The following EPHA6 variants were observed in gnomAD, a reference collection of about 807,000 sequenced individuals.
EPHA6 encodes the protein EPH receptor A6, also known as ephrin type-A receptor 6.
EPHA6 carries 50 observed loss-of-function variants against 112.0 expected under a neutral mutation model. The ratio of observed to expected loss-of-function variants is 0.45; its 90% CI spans 0.36 to 0.56. The LOEUF is 0.56. EPHA6 is among the 20% of genes least tolerant of loss of function. The pLI is 0.00. For synonymous variants in EPHA6, 529 were observed against 490.7 expected (o/e 1.08, Z -1.03); for missense variants, 1,280 against 1,417.4 (o/e 0.90, Z 1.56).
chr3:97,208,517 G>T (rs932407006), intron 3 of EPHA6, among the ~76,000 whole-genome samples: 1 of 152,120 alleles, frequency 6.6e-6, no homozygotes. Context: ...AGGCCATGGT[G>T]GGTGGATTGC....
intron 2 of EPHA6, among the ~76,000 whole-genome samples, chr3:96,904,226 G>A (rs2038789179): frequency 6.6e-6 from 1 of 151,984 alleles, no homozygotes; most frequent in African/African-American, 2.4e-5. Context: ...AACAATGATA[G>A]ACTGGATTAA....
At chr3:97,310,135 C>T (rs1042524320) in intron 5 of EPHA6, among the ~76,000 whole-genome samples, 3 of 151,424 alleles carry the variant, frequency 2.0e-5, no homozygotes, top group Admixed American at 2.0e-4. Context: ...CCCTCACTCC[C>T]ACCCCCACAA....
intron 1 of EPHA6, among the ~76,000 whole-genome samples, chr3:96,846,820 A>T (rs185644277): frequency 1.0e-3 from 153 of 152,182 alleles, no homozygotes; most frequent in African/African-American, 3.4e-3. Context: ...CTTGAGAGAG[A>T]TTTATTGTTC....
At chr3:97,558,734 G>A (rs553112772) in intron 11 of EPHA6, among the ~76,000 whole-genome samples, 1 of 151,940 alleles carries the variant, frequency 6.6e-6, no homozygotes, top group Non-Finnish European at 1.5e-5. Context: ...AATATATATG[G>A]ACAATCTGCA....
intron 7 of EPHA6, among the ~76,000 whole-genome samples, chr3:97,467,193 G>T (rs2091084463): frequency 6.6e-6 from 1 of 151,770 alleles, no homozygotes; most frequent in African/African-American, 2.4e-5. Context: ...TTAGCAAATG[G>T]TATTTTTGTT....
Position 97,480,385 on chromosome 3 carries a change from C to T in EPHA6, c.2074+1021C>T, listed in dbSNP as rs1287812324. ...CTAGGCAGAGGACCCTGCGGCCTTC[C>T]GCAGTGTTTGTGTCCCTGGGTACTT... On this transcript the variant is annotated intron_variant, in intron 9 of 17. Transcript: ENST00000389672. Among the ~76,000 whole-genome samples, 7 of 151,952 alleles carry T rather than the reference C, an allele frequency of 4.6e-5. No individual in the cohort carries two copies. The South Asian group carries it at 1.0e-3, about 23-fold the overall frequency.
At chr3:97,136,699 C>T (rs2075778409) in intron 3 of EPHA6, among the ~76,000 whole-genome samples, 2 of 152,050 alleles carry the variant, frequency 1.3e-5, no homozygotes, top group East Asian at 3.9e-4. Context: ...CGACAGAAAA[C>T]TTCATAAAGT....
intron 13 of EPHA6, among the ~76,000 whole-genome samples, chr3:97,632,238 A>G (rs771992618): frequency 6.6e-6 from 1 of 152,070 alleles, no homozygotes; most frequent in Non-Finnish European, 1.5e-5. Flanking sequence ...CTCCTCTAAG[A>G]GAAAAATAAA....
intron 7 of EPHA6, among the ~76,000 whole-genome samples, chr3:97,456,101 G>T (rs1338762411): frequency 6.6e-6 from 1 of 152,076 alleles, no homozygotes; most frequent in Non-Finnish European, 1.5e-5. Flanking sequence ...AGTAACAACA[G>T]TAGATCTATT....
chr3:97,505,119 C>T (rs1438719240), intron 10 of EPHA6, among the ~76,000 whole-genome samples: 13 of 152,014 alleles, frequency 8.6e-5, no homozygotes, highest in Non-Finnish European at 1.5e-4. Context: ...GTGGCAAGGG[C>T]GTAGACTTGC....
chr3:97,634,041 A>G (rs1461462417), intron 13 of EPHA6, among the ~76,000 whole-genome samples: 2 of 152,108 alleles, frequency 1.3e-5, no homozygotes, highest in Non-Finnish European at 2.9e-5. Context: ...AACCTAGCCC[A>G]GAATTAGGTA....
intron 16 of EPHA6, among the ~76,000 whole-genome samples, chr3:97,739,420 C>G (rs2035408277): frequency 1.3e-4 from 1 of 7,442 alleles, no homozygotes; most frequent in Admixed American, 1.6e-3. Flanking sequence ...TTTCTCTTGA[C>G]AGAGTAGTAA....
At chr3:97,528,692 A>G (rs1432871031) in intron 10 of EPHA6, among the ~76,000 whole-genome samples, 1 of 152,102 alleles carries the variant, frequency 6.6e-6, no homozygotes, top group Non-Finnish European at 1.5e-5. Context: ...TCCAAGACAG[A>G]TTGTCTCTTA....
intron 5 of EPHA6, among the ~76,000 whole-genome samples, chr3:97,404,499 ATAGTT>A (rs1401206847): frequency 6.6e-5 from 10 of 152,194 alleles, no homozygotes; most frequent in African/African-American, 1.9e-4. Flanking sequence ...TGAGAGATAT[ATAGTT>A]TAGTTATATG....
chr3:97,681,029 A>C (rs1388768011), intron 14 of EPHA6, among the ~76,000 whole-genome samples: 1 of 152,154 alleles, frequency 6.6e-6, no homozygotes, highest in Admixed American at 6.6e-5. Flanking sequence ...ATAAGACATT[A>C]GATTTTTGGA....
chr3:97,404,561 G>C (rs1026244556), intron 5 of EPHA6, among the ~76,000 whole-genome samples: 2 of 152,010 alleles, frequency 1.3e-5, no homozygotes, highest in Non-Finnish European at 2.9e-5. Context: ...ATAATATATG[G>C]AAAAGTAAAA....
At chr3:97,684,929 T>A (rs2032136300) in intron 14 of EPHA6, among the ~76,000 whole-genome samples, 1 of 152,192 alleles carries the variant, frequency 6.6e-6, no homozygotes, top group African/African-American at 2.4e-5. Context: ...AAAAACCCCA[T>A]ACCTTTGTTG....
chr3:96,948,737 G>A (rs1004624457), intron 2 of EPHA6, among the ~76,000 whole-genome samples: 24 of 152,160 alleles, frequency 1.6e-4, no homozygotes, highest in Admixed American at 7.9e-4. Context: ...AAATCTGGTC[G>A]CAGTTCTATT....
rs979788219 is a variant in EPHA6 at position 97,757,222 on chromosome 3, G to C, written c.*8521G>C. Among the ~76,000 whole-genome samples, 2 of 151,730 alleles carry C rather than the reference G, an allele frequency of 1.3e-5. No individual in the cohort carries two copies. The highest frequency in any genetic ancestry group is 4.8e-5 in the African/African-American group (2 of 41,402). Reference sequence around the variant, plus strand: ...ACTGTTAGAAAAGAGTGAATAAAAAGTATGTCACAGTACTCTTACTGGTAA... The same window carrying C: ...ACTGTTAGAAAAGAGTGAATAAAAACTATGTCACAGTACTCTTACTGGTAA... On this transcript the variant is annotated 3_prime_UTR_variant, in exon 18 of 18. Transcript: ENST00000389672.
Sources: gnomAD v4.1 joint callset for allele counts (sites outside exome capture counted in the v4.1 genomes callset) on GRCh38, gnomAD v4.1.1 for gene constraint, MANE v1.5 for transcripts, NCBI Gene and HGNC (gene_info 2026-07-23, HGNC 2026-07-21) for gene names.